SDK1: variants seen among roughly 807,000 people sequenced by gnomAD.
The protein encoded by SDK1 is protein sidekick-1.
In SDK1, 157 loss-of-function variants were observed where a neutral mutation model predicts 245.5. That is an observed-to-expected ratio of 0.64 (90% CI 0.56 to 0.73). The LOEUF is 0.73. SDK1 is among the 30% of genes least tolerant of loss of function. SDK1 has a pLI of 0.00. For missense variants in SDK1, 3,583 were observed against 3,002.3 expected, an observed-to-expected ratio of 1.19 and a Z score of -4.52; for synonymous variants, 1,647 against 1,278.5, an observed-to-expected ratio of 1.29 and a Z score of -6.15.
chr7:4,225,699 G>T (rs1459641560), intron 40 of SDK1, among the ~76,000 whole-genome samples: 1 of 152,174 alleles, frequency 6.6e-6, no homozygotes, highest in Non-Finnish European at 1.5e-5. Flanking sequence ...CCACGCCTCA[G>T]AGTGGCTTGC....
At chr7:3,354,932 C>G (rs1398739159) in intron 1 of SDK1, among the ~76,000 whole-genome samples, 2 of 152,186 alleles carry the variant, frequency 1.3e-5, no homozygotes, top group African/African-American at 2.4e-5. Flanking sequence ...AATCCACCAG[C>G]CAACACTCAC....
intron 28 of SDK1, among the ~76,000 whole-genome samples, chr7:4,143,413 T>C (rs1779715465): frequency 6.6e-6 from 1 of 152,126 alleles, no homozygotes; most frequent in African/African-American, 2.4e-5. Flanking sequence ...CAGGCATGGC[T>C]GTGCCAGCCA....
rs536763489 is a variant in SDK1, at chr7:4,237,054, G to A, written c.5993-593G>A. Among the ~76,000 whole-genome samples the A allele has an allele frequency of 1.2e-4, 18 of 151,952 alleles. No homozygotes were observed. The South Asian group carries it at 3.5e-3, about 30-fold the overall frequency. On this transcript the variant is annotated intron_variant, in intron 41 of 44. Transcript: ENST00000404826. ...CCTGAGTAGCTGGGACTACAGGTGT[G>A]CCACCATACCTTGTTTTGTAGAGAA...
At chr7:3,905,382 A>G (rs1367687261) in intron 5 of SDK1, among the ~76,000 whole-genome samples, 1 of 152,192 alleles carries the variant, frequency 6.6e-6, no homozygotes, top group Non-Finnish European at 1.5e-5. Context: ...ATAAAACTCT[A>G]GGTTGATATT....
intron 37 of SDK1, among the ~76,000 whole-genome samples, chr7:4,208,933 C>T (rs1244323648): frequency 2.0e-5 from 3 of 152,216 alleles, no homozygotes; most frequent in African/African-American, 7.2e-5. Flanking sequence ...GCCTTGGGCT[C>T]TGAGGAGCTC....
At chr7:3,317,564 C>G (rs1779694673) in intron 1 of SDK1, among the ~76,000 whole-genome samples, 1 of 108,362 alleles carries the variant, frequency 9.2e-6, no homozygotes, top group Admixed American at 8.6e-5. Flanking sequence ...TTCCTTCTGC[C>G]TATTCCTCTC....
intron 5 of SDK1, among the ~76,000 whole-genome samples, chr7:3,854,518 G>C (rs1045697360): frequency 6.6e-6 from 1 of 152,080 alleles, no homozygotes; most frequent in African/African-American, 2.4e-5. Flanking sequence ...GATTAGTATA[G>C]GGTCACAGAG....
Position 4,174,375 on chromosome 7 carries a change from G to A in SDK1, c.4936+18G>A. On this transcript the variant is annotated intron_variant, in intron 33 of 44. Transcript: ENST00000404826. ...GCTCACAGGTGAGACTGTCCCCTCT[G>A]TCCTGGTACAGGGAGGGAGGTTCCC... 1 of 1,612,936 alleles carries A rather than the reference G, an allele frequency of 6.2e-7. No individual in the cohort carries two copies. The highest frequency in any genetic ancestry group is 8.5e-7 in the Non-Finnish European group (1 of 1,179,202).
intron 13 of SDK1, among the ~76,000 whole-genome samples, chr7:3,975,083 C>A (rs1031168589): frequency 2.6e-5 from 4 of 152,298 alleles, no homozygotes; most frequent in Admixed American, 2.6e-4. Flanking sequence ...CTGGACCTTC[C>A]TGGGGGTTCC....
intron 4 of SDK1, among the ~76,000 whole-genome samples, chr7:3,759,804 G>C (rs929150426): frequency 6.6e-5 from 10 of 152,108 alleles, no homozygotes; most frequent in Admixed American, 2.6e-4. Context: ...TGTTGGCCAG[G>C]CTGGTCTCGA....
At chr7:3,546,845 GAAGTT>G (rs1465688794) in intron 1 of SDK1, among the ~76,000 whole-genome samples, 1 of 152,138 alleles carries the variant, frequency 6.6e-6, no homozygotes, top group Non-Finnish European at 1.5e-5. Flanking sequence ...TAGAGTTTAT[GAAGTT>G]AAGAGTTTAA....
chr7:3,581,245 C>G (rs984854544), intron 1 of SDK1, among the ~76,000 whole-genome samples: 5 of 152,042 alleles, frequency 3.3e-5, no homozygotes, highest in Non-Finnish European at 5.9e-5. Flanking sequence ...CTATAAGGAA[C>G]TTAAATTTAC....
chr7:3,805,502 T>C (rs1233342413), intron 4 of SDK1, among the ~76,000 whole-genome samples: 1 of 152,232 alleles, frequency 6.6e-6, no homozygotes, highest in Non-Finnish European at 1.5e-5. Flanking sequence ...CTTGTACTTT[T>C]TCTGCCCTGA....
At chr7:3,526,847 C>T (rs1305675834) in intron 1 of SDK1, among the ~76,000 whole-genome samples, 1 of 152,054 alleles carries the variant, frequency 6.6e-6, no homozygotes, top group Non-Finnish European at 1.5e-5. Context: ...TTATATATAT[C>T]TTCCAGATTT....
chr7:4,043,502 C>T (rs1272363648), intron 17 of SDK1, among the ~76,000 whole-genome samples: 1 of 152,174 alleles, frequency 6.6e-6, no homozygotes, highest in Non-Finnish European at 1.5e-5. Context: ...AGTGTGAGAG[C>T]TCGTGATTTT....
chr7:3,650,657 A>T lies in SDK1; in HGVS notation c.713+8552A>T, dbSNP rs75111921. On this transcript the variant is annotated intron_variant, in intron 4 of 44. Transcript: ENST00000404826. ...ATCAACAAACAGAAGGTTTCTGTCAATACTAGGATTTCTCTTATTAACCTT... is the reference window on the plus strand; with the variant it reads ...ATCAACAAACAGAAGGTTTCTGTCATTACTAGGATTTCTCTTATTAACCTT... Among the ~76,000 whole-genome samples, 238 of 152,274 alleles carry T rather than the reference A, an allele frequency of 1.6e-3. 2 individuals carry two copies. Among genetic ancestry groups the T allele is most frequent in the Non-Finnish European group, 2.5e-3 (169 of 67,994 alleles).
chr7:3,837,863 A>T (rs376289312), intron 5 of SDK1, among the ~76,000 whole-genome samples: 7 of 152,338 alleles, frequency 4.6e-5, no homozygotes, highest in African/African-American at 1.7e-4. Flanking sequence ...AGCATTTTGC[A>T]TACAAAAGGG....
At chr7:3,496,086 T>C (rs779679044) in intron 1 of SDK1, among the ~76,000 whole-genome samples, 12 of 152,190 alleles carry the variant, frequency 7.9e-5, no homozygotes, top group Non-Finnish European at 1.5e-4. Flanking sequence ...TTTAAGAGCT[T>C]GGACCCTGGA....
At chr7:3,492,099 C>G (rs983842452) in intron 1 of SDK1, among the ~76,000 whole-genome samples, 6 of 152,276 alleles carry the variant, frequency 3.9e-5, no homozygotes, top group African/African-American at 1.4e-4. Context: ...CAGGATAAAA[C>G]TTAAATTTCC....
Sources: gnomAD v4.1 joint callset for allele counts (sites outside exome capture counted in the v4.1 genomes callset) on GRCh38, gnomAD v4.1.1 for gene constraint, MANE v1.5 for transcripts, NCBI Gene and HGNC (gene_info 2026-07-23, HGNC 2026-07-21) for gene names.